Variants in SFXN5 observed in about 807,000 individuals in gnomAD.
The protein encoded by SFXN5 is sideroflexin 5, also known as sideroflexin-5.
Under a neutral mutation model 50.2 loss-of-function variants are expected in SFXN5, and 43 were observed. The ratio of observed to expected loss-of-function variants is 0.86; its 90% confidence interval spans 0.67 to 1.11. The LOEUF (loss-of-function observed/expected upper bound fraction) is 1.11, where lower values mean the gene tolerates loss of function less well. SFXN5 is among the 50% of genes least tolerant of loss of function. The pLI is 0.00. For missense variants in SFXN5, 463 were observed against 454.1 expected (o/e 1.02, Z -0.18); for synonymous variants, 203 against 185.8 (o/e 1.09, Z -0.75).
At chr2:73,012,731 A>G (rs1413559536) in intron 6 of SFXN5, among the ~76,000 whole-genome samples, 1 of 150,846 alleles carries the variant, frequency 6.6e-6, no homozygotes, top group African/African-American at 2.4e-5. Flanking sequence ...AGTATAATAC[A>G]GGTGTTAAGA....
intron 9 of SFXN5, among the ~76,000 whole-genome samples, chr2:72,989,850 CTG>C (rs34685996): frequency 0.015 from 2,229 of 152,342 alleles, 21 homozygotes; most frequent in Non-Finnish European, 0.023. Flanking sequence ...AGCCCCTGTG[CTG>C]TCTTTTCTGG....
chr2:72,968,364 T>A, intron 12 of SFXN5, 84 bp downstream of exon 12: 1 of 1,321,512 alleles, frequency 7.6e-7, no homozygotes, highest in Non-Finnish European at 1.1e-6. Context: ...CACCCCCTCA[T>A]CTCTTGCCTG....
At chr2:73,035,458 T>G (rs1353119295) in intron 3 of SFXN5, among the ~76,000 whole-genome samples, 1 of 152,140 alleles carries the variant, frequency 6.6e-6, no homozygotes, top group East Asian at 1.9e-4. Context: ...ATTTTTATTT[T>G]GTCCTCAGAA....
At chr2:73,000,713 T>C (rs1673800741) in intron 7 of SFXN5, among the ~76,000 whole-genome samples, 1 of 152,200 alleles carries the variant, frequency 6.6e-6, no homozygotes, top group South Asian at 2.1e-4. Flanking sequence ...TCTCGGTTCC[T>C]GAATGGGGTC....
At chr2:73,067,093 A>G (rs1683233626) in intron 1 of SFXN5, among the ~76,000 whole-genome samples, 1 of 152,196 alleles carries the variant, frequency 6.6e-6, no homozygotes, top group Non-Finnish European at 1.5e-5. Context: ...TGTGTTAAGG[A>G]CATGGTTATG....
At chr2:73,053,173 CGAAAAAA>C (rs1177247672) in intron 2 of SFXN5, among the ~76,000 whole-genome samples, 3 of 135,624 alleles carry the variant, frequency 2.2e-5, no homozygotes, top group Non-Finnish European at 3.2e-5. Flanking sequence ...GACTCTGCCT[CGAAAAAA>C]AAAAAAAGGA....
At chr2:73,002,859 C>T (rs1674090943) in intron 6 of SFXN5, among the ~76,000 whole-genome samples, 1 of 152,036 alleles carries the variant, frequency 6.6e-6, no homozygotes, top group Non-Finnish European at 1.5e-5. Flanking sequence ...ATCAGGGGAA[C>T]CTGGGTCTTA....
chr2:73,037,159 G>T (rs906993248), intron 3 of SFXN5, among the ~76,000 whole-genome samples: 2 of 152,196 alleles, frequency 1.3e-5, no homozygotes, highest in Admixed American at 6.5e-5. Flanking sequence ...CTCCTTGCCT[G>T]GACCACCCCC....
chr2:73,049,107 C>T (rs1299474856), intron 2 of SFXN5: 1 of 152,134 alleles, frequency 6.6e-6, no homozygotes, highest in African/African-American at 2.4e-5. Context: ...ATGCCACAGA[C>T]TAGATAATTT....
At chr2:72,969,067 C>G (rs577436617) in intron 11 of SFXN5, among the ~76,000 whole-genome samples, 53 of 152,114 alleles carry the variant, frequency 3.5e-4, no homozygotes, top group Non-Finnish European at 5.3e-4. Flanking sequence ...CTCAGCATCC[C>G]AAAGTACTGG....
At chr2:73,009,361 G>C (rs1018637094) in intron 6 of SFXN5, among the ~76,000 whole-genome samples, 1 of 152,248 alleles carries the variant, frequency 6.6e-6, no homozygotes, top group African/African-American at 2.4e-5. Flanking sequence ...AGACGAGGCA[G>C]TGGCCCAGGG....
chr2:73,036,521 C>T (rs1207170633), intron 3 of SFXN5, among the ~76,000 whole-genome samples: 1 of 152,192 alleles, frequency 6.6e-6, no homozygotes, highest in Non-Finnish European at 1.5e-5. Context: ...TTCCCCTCCT[C>T]CTCAGCTCCC....
chr2:73,020,330 G>A (rs915406833), intron 5 of SFXN5, 66 bp from the exon 6 acceptor site: 20 of 1,567,644 alleles, frequency 1.3e-5, no homozygotes, highest in Non-Finnish European at 1.6e-5. Flanking sequence ...ATACCCAGGA[G>A]CCTCCGGGTT....
Position 72,945,167 on chromosome 2 carries a change from C to T in SFXN5, c.946-68G>A. 1 of 1,433,116 alleles carries T rather than the reference C, an allele frequency of 7.0e-7. No individual in the cohort carries two copies. Among genetic ancestry groups the T allele is most frequent in the Non-Finnish European group, 9.7e-7 (1 of 1,028,282 alleles). The allele number at this position is 1,433,116 out of a possible 1,614,324, so 88.8% of individuals were successfully genotyped here. A position where few individuals can be genotyped will look rare whatever the true frequency, so the allele number is the denominator to read the frequency against. On this transcript the variant is annotated intron_variant, in intron 13 of 13. Transcript: ENST00000272433. The surrounding 1 kb of genome is among the most constrained non-coding windows in gnomAD (Gnocchi z 5.8). ...GGGCAAATAGTGGGGCTGGGAGCTG[C>T]AGTGAGGACCACCCTGGGCCCCAGA...
Position 72,990,309 on chromosome 2 carries a change from C to T in SFXN5, c.535-1961G>A, listed in dbSNP as rs185675546. 1.0e-3 allele frequency among the ~76,000 whole-genome samples: 157 copies of T among 152,304 alleles called. 3 individuals carry two copies. The East Asian group carries it at 0.024, about 24-fold the overall frequency. On this transcript the variant is annotated intron_variant, in intron 9 of 13. Coordinates refer to ENST00000272433, the MANE Select transcript of SFXN5 (RefSeq NM_144579.3). The stretch of plus-strand genomic sequence containing the variant: ...GGCTGGGAGGCAGCCAGGGGCATCA[C>T]GGCGTGGACACACTTCAGTGGTACA...
At chr2:73,033,353 A>G (rs868704495) in intron 3 of SFXN5, among the ~76,000 whole-genome samples, 3 of 152,216 alleles carry the variant, frequency 2.0e-5, no homozygotes, top group Admixed American at 6.5e-5. Context: ...TAAGCAACAC[A>G]AACAATAAAT....
At position 73,022,566 on chromosome 2, in the gene SFXN5, T is replaced by G; in HGVS notation, c.287A>C (p.His96Pro). The G allele has an allele frequency of 6.3e-7, 1 of 1,587,754 alleles. No homozygotes were observed. The highest frequency in any genetic ancestry group is 8.5e-7 in the Non-Finnish European group (1 of 1,171,682). ...SAQKIKQAIL[H>P]PDTNEKIFMP... The stretch of plus-strand genomic sequence containing the variant: ...GAAGATCTTCTCATTGGTGTCCGGA[T>G]GTAGAATAGCCTGGCAAAAGCAGGA... The change falls in exon 5 of 14, where the codon CAT (histidine) becomes CCT (proline). Residue 96 changes from histidine (H) to proline (P), a missense_variant. Transcript: ENST00000272433.
At chr2:73,032,838 A>G (rs1452718653) in intron 3 of SFXN5, among the ~76,000 whole-genome samples, 1 of 152,156 alleles carries the variant, frequency 6.6e-6, no homozygotes, top group Non-Finnish European at 1.5e-5. Context: ...AAAACTTCCT[A>G]ATTTATCAGT....
In SFXN5 at chr2:72,992,554, G is replaced by A. The variant is rs1437670996; in HGVS notation, c.535-4206C>T. On this transcript the variant is annotated intron_variant, in intron 9 of 13. Transcript: ENST00000272433. The surrounding 1 kb of genome is among the most constrained non-coding windows in gnomAD (Gnocchi z 4.5). ...TCCTCACCCACACCCCAGCCTCCTC[G>A]CCCATTTCCAGCTCTGCTTCTCATG... is the stretch of plus-strand genomic sequence containing the variant. Among the ~76,000 whole-genome samples the A allele has an allele frequency of 6.6e-6, 1 of 152,124 alleles. No homozygotes were observed. The highest frequency in any genetic ancestry group is 1.5e-5 in the Non-Finnish European group (1 of 68,018).
Sources: allele counts gnomAD v4.1 joint callset (sites outside exome capture counted in the v4.1 genomes callset), GRCh38; gene constraint gnomAD v4.1.1; non-coding constraint Gnocchi (gnomAD v3.1); transcripts MANE v1.5; gene names NCBI Gene and HGNC (gene_info 2026-07-23, HGNC 2026-07-21).